DGKH: variants seen among roughly 807,000 people sequenced by gnomAD.
DGKH encodes DAG kinase eta.
In DGKH, 90 loss-of-function variants were observed where a neutral mutation model predicts 159.3. That is an observed-to-expected ratio of 0.57 (90% CI 0.48 to 0.67). The LOEUF is 0.67. Among genes scored for constraint, DGKH ranks in the 30% least tolerant of loss-of-function variants. The probability of loss-of-function intolerance (pLI) is 0.00; values close to 1 mark genes in which losing one functional copy is unlikely to be tolerated. For missense variants in DGKH, 1,181 were observed against 1,506.1 expected (o/e 0.78, Z 3.57); for synonymous variants, 536 against 553.8 (o/e 0.97, Z 0.45).
intron 1 of DGKH, chr13:42,070,449 ACATG>A: frequency 7.7e-7 from 1 of 1,298,984 alleles, no homozygotes; most frequent in African/African-American, 1.4e-5. Flanking sequence ...CCTGCAGCCC[ACATG>A]TCAATGGCTT....
intron 1 of DGKH, among the ~76,000 whole-genome samples, chr13:42,086,134 G>A (rs1444198633): frequency 1.3e-5 from 2 of 151,990 alleles, no homozygotes; most frequent in East Asian, 3.8e-4. Context: ...TCCAGGCTGG[G>A]CTTGAACTCC....
At chr13:42,213,826 CT>C (rs1957724385) in intron 24 of DGKH, among the ~76,000 whole-genome samples, 1 of 152,118 alleles carries the variant, frequency 6.6e-6, no homozygotes, top group African/African-American at 2.4e-5. Context: ...ACTTTTTCTC[CT>C]TTCTTGTCCT....
rs575126078 is a variant in DGKH, at chr13:42,177,103, G to C, written c.1453-1032G>C. Among the ~76,000 whole-genome samples, 134 of 152,166 alleles carry C rather than the reference G, an allele frequency of 8.8e-4. 1 individual carries two copies. The highest frequency in any genetic ancestry group is 1.5e-3 in the Non-Finnish European group (100 of 68,024). On this transcript the variant is annotated intron_variant, in intron 12 of 29. Coordinates refer to ENST00000337343, the MANE Select transcript of DGKH (RefSeq NM_178009.5). ...GCACAGGTCATAAATGTATAGCTTGGTAAATTTTCACAAACTAAACAAATC... is the reference window on the plus strand; with the variant it reads ...GCACAGGTCATAAATGTATAGCTTGCTAAATTTTCACAAACTAAACAAATC...
rs1217212041 is a variant in DGKH, at chr13:42,235,387, G to A, written c.*6199G>A. 2 of 152,082 alleles carry A rather than the reference G, an allele frequency of 1.3e-5. No individual in the cohort carries two copies. Among genetic ancestry groups the A allele is most frequent in the Admixed American group, 6.5e-5 (1 of 15,270 alleles). The allele number at this position is 152,082 out of a possible 1,614,324, so 9.4% of individuals were successfully genotyped here. On this transcript the variant is annotated 3_prime_UTR_variant, in exon 30 of 30. Transcript: ENST00000337343. ...TTCATTGCATAGGATTTTATAAATA[G>A]TCTGGGTATTTCATAGGAACTGCAT...
chr13:42,173,515 A>C (rs1956516674), intron 11 of DGKH, among the ~76,000 whole-genome samples: 1 of 152,216 alleles, frequency 6.6e-6, no homozygotes, highest in Non-Finnish European at 1.5e-5. Context: ...TTCTTAATTT[A>C]AGAAGGGGTA....
intron 10 of DGKH, 56 bp downstream of exon 10, chr13:42,168,604 C>G (rs939695908): frequency 1.2e-6 from 2 of 1,612,984 alleles, no homozygotes; most frequent in African/African-American, 2.7e-5. Context: ...AACATACTTA[C>G]CAGAGAGGTG....
rs1245809005 is a variant in DGKH at position 42,238,132 on chromosome 13, T to C, written c.*8944T>C. 1 of 152,230 alleles carries C rather than the reference T, an allele frequency of 6.6e-6. No individual in the cohort carries two copies. Among genetic ancestry groups the C allele is most frequent in the Non-Finnish European group, 1.5e-5 (1 of 68,024 alleles). 9.4% of individuals were successfully genotyped at this position (152,230 alleles called of 1,614,324 possible). On this transcript the variant is annotated 3_prime_UTR_variant, in exon 30 of 30. Coordinates refer to ENST00000337343, the MANE Select transcript of DGKH (RefSeq NM_178009.5). The stretch of plus-strand genomic sequence containing the variant: ...ACACAATATTATCAGTTGTTAGTAC[T>C]TGGTAACGTTTCTTTTACTAAAGGA...
chr13:42,158,204 A>G (rs1271747958), intron 5 of DGKH, among the ~76,000 whole-genome samples: 2 of 152,272 alleles, frequency 1.3e-5, no homozygotes, highest in African/African-American at 4.8e-5. Context: ...TGTTATATCC[A>G]ATTAAGACAG....
chr13:42,144,255 G>A (rs141876779), intron 3 of DGKH, among the ~76,000 whole-genome samples: 56 of 152,236 alleles, frequency 3.7e-4, no homozygotes, highest in African/African-American at 1.2e-3. Flanking sequence ...ATAGTAGGGA[G>A]GCATGGTGCT....
rs1355228424 is a variant in DGKH, at chr13:42,160,141, G to A, written c.855+5G>A. 5 of 1,614,210 alleles carry A rather than the reference G, an allele frequency of 3.1e-6. No homozygotes were observed. The highest frequency in any genetic ancestry group is 4.2e-6 in the Non-Finnish European group (5 of 1,180,046). ...TGCCTTTGGTGTAAGACAATGGTGA[G>A]GGTTTTGGAATCAGTTCATCCTTTT... On this transcript the variant is annotated splice_donor_5th_base_variant and intron_variant, in intron 7 of 29. Transcript: ENST00000337343.
intron 16 of DGKH, among the ~76,000 whole-genome samples, chr13:42,191,693 C>T (rs1186615234): frequency 6.6e-6 from 1 of 151,964 alleles, no homozygotes; most frequent in Non-Finnish European, 1.5e-5. Context: ...ATGTTTGAAA[C>T]ATCTCTTGTT....
intron 3 of DGKH, among the ~76,000 whole-genome samples, chr13:42,130,348 T>C (rs1290560609): frequency 2.0e-5 from 3 of 152,234 alleles, no homozygotes; most frequent in Non-Finnish European, 4.4e-5. Flanking sequence ...TCTTCAAAGC[T>C]TATTTCAGAT....
intron 1 of DGKH, among the ~76,000 whole-genome samples, chr13:42,107,961 C>T (rs2137792896): frequency 6.6e-6 from 1 of 152,276 alleles, no homozygotes; most frequent in East Asian, 1.9e-4. Context: ...CTGTCTACTT[C>T]CCTTTTATTA....
intron 1 of DGKH, among the ~76,000 whole-genome samples, chr13:42,117,079 T>C (rs1954981520): frequency 1.3e-5 from 2 of 152,212 alleles, no homozygotes; most frequent in African/African-American, 4.8e-5. Context: ...TGGCAGTTAA[T>C]ACAAATGTTT....
At chr13:42,121,251 A>G (rs1955065737) in intron 1 of DGKH, among the ~76,000 whole-genome samples, 1 of 152,214 alleles carries the variant, frequency 6.6e-6, no homozygotes, top group African/African-American at 2.4e-5. Context: ...TCAGTGTGAT[A>G]TTCAATTACA....
chr13:42,091,523 A>AGAT (rs1436451602), intron 1 of DGKH, among the ~76,000 whole-genome samples: 1 of 152,238 alleles, frequency 6.6e-6, no homozygotes, highest in Non-Finnish European at 1.5e-5. Flanking sequence ...ATTTCTTCAA[A>AGAT]GATATACAAA....
At position 42,166,653 on chromosome 13, in the gene DGKH, T is replaced by C. The variant is rs761759034; in HGVS notation, c.1097T>C (p.Met366Thr). The change falls in exon 9 of 30, where the codon ATG becomes ACG. Residue 366 changes from methionine to threonine, a missense_variant. By Grantham distance (81) the Met-to-Thr change is moderately conservative. Transcript: ENST00000337343. The part of the protein sequence containing the change: ...LLNPAQVFDL[M>T]NGGPHLGLRL... ...AATCCGGCTCAGGTGTTTGATTTAA[T>C]GAATGGAGGTCCTCATTTAGGGTAA... is the stretch of plus-strand genomic sequence containing the variant. The C allele has an allele frequency of 1.2e-6, 2 of 1,600,118 alleles. No individual in the cohort carries two copies. Among genetic ancestry groups the C allele is most frequent in the Non-Finnish European group, 1.7e-6 (2 of 1,174,306 alleles).
At chr13:42,154,190 G>A (rs1955984570) in intron 3 of DGKH, among the ~76,000 whole-genome samples, 1 of 152,138 alleles carries the variant, frequency 6.6e-6, no homozygotes, top group African/African-American at 2.4e-5. Flanking sequence ...CCAATGTAAT[G>A]TTTAGACTTA....
chr13:42,084,441 A>G (rs964242202), intron 1 of DGKH, among the ~76,000 whole-genome samples: 1 of 152,126 alleles, frequency 6.6e-6, no homozygotes, highest in Middle Eastern at 3.2e-3. Context: ...TTAGGTGTAA[A>G]TATTTAAAAC....
Sources: allele counts gnomAD v4.1 joint callset (sites outside exome capture counted in the v4.1 genomes callset), GRCh38; gene constraint gnomAD v4.1.1; transcripts MANE v1.5; gene names NCBI Gene and HGNC (gene_info 2026-07-23, HGNC 2026-07-21).